Variants in INO80 observed in about 807,000 individuals in gnomAD.
INO80 encodes INO80 complex ATPase subunit, also known as chromatin-remodeling ATPase INO80.
Under a neutral mutation model 203.4 loss-of-function variants are expected in INO80, and 20 were observed. That is an observed-to-expected ratio of 0.10 (90% CI 0.07 to 0.14). The LOEUF (loss-of-function observed/expected upper bound fraction) is 0.14, where lower values mean the gene tolerates loss of function less well. Among genes scored for constraint, INO80 ranks in the 10% least tolerant of loss-of-function variants. The pLI, the probability that INO80 is intolerant of heterozygous loss-of-function variation, is 1.00. For synonymous variants in INO80, 726 were observed against 685.2 expected (o/e 1.06, Z -0.93); for missense variants, 1,419 against 1,914.4 (o/e 0.74, Z 4.83).
chr15:41,019,419 A>G (rs2044257849), intron 26 of INO80: 1 of 152,224 alleles, frequency 6.6e-6, no homozygotes. Context: ...AAAAGAACTC[A>G]GACGCTTCCT....
At chr15:41,109,910 C>T (rs185413079) in intron 1 of INO80, among the ~76,000 whole-genome samples, 141 of 149,462 alleles carry the variant, frequency 9.4e-4, no homozygotes, top group Middle Eastern at 6.9e-3. Flanking sequence ...CCAGCCTGGA[C>T]GACAGAGCGA....
intron 1 of INO80, among the ~76,000 whole-genome samples, chr15:41,109,931 CA>C (rs578187934): frequency 7.8e-4 from 96 of 122,734 alleles, no homozygotes; most frequent in Middle Eastern, 4.2e-3. Flanking sequence ...GACTCCACCT[CA>C]AAAAAAAAAA....
chr15:40,979,976 T>C lies in INO80; in HGVS notation c.*247A>G. ...GAGGTTTAAGACTTGGCTATACAGT[T>C]CACTTGAGATGCAGTGGGGCTGATC... On this transcript the variant is annotated 3_prime_UTR_variant, in exon 36 of 36. Transcript: ENST00000648947. The C allele has an allele frequency of 3.7e-6, 2 of 547,060 alleles. No homozygotes were observed. Among genetic ancestry groups the C allele is most frequent in the Non-Finnish European group, 6.6e-6 (2 of 303,498 alleles). The allele number at this position is 547,060 out of a possible 1,614,324, so 33.9% of individuals were successfully genotyped here.
At chr15:41,036,087 C>G (rs531640128) in intron 24 of INO80, among the ~76,000 whole-genome samples, 21 of 125,400 alleles carry the variant, frequency 1.7e-4, no homozygotes, top group Non-Finnish European at 2.9e-4. Flanking sequence ...ACCCAGGAGG[C>G]GGAAGTTGCA....
chr15:41,095,541 C>T, intron 4 of INO80, 60 bp downstream of exon 4: 2 of 1,167,454 alleles, frequency 1.7e-6, no homozygotes. Context: ...GATAACTTTC[C>T]CATCTATTAG....
At chr15:41,008,202 A>G (rs1328067960) in intron 27 of INO80, among the ~76,000 whole-genome samples, 1 of 133,582 alleles carries the variant, frequency 7.5e-6, no homozygotes, top group East Asian at 2.2e-4. Context: ...TGAATGGATA[A>G]AGAATATGTG....
chr15:41,072,067 T>TA lies in INO80; in HGVS notation c.1396-10dup, dbSNP rs74997531. 0.025 allele frequency: 28,454 copies of TA among 1,147,544 alleles called. 5 individuals are homozygous for TA. The highest frequency in any genetic ancestry group is 0.035 in the African/African-American group (1,397 of 39,452). The allele number at this position is 1,147,544 out of a possible 1,614,324, so 71.1% of individuals were successfully genotyped here. On this transcript the variant is annotated splice_polypyrimidine_tract_variant and intron_variant, in intron 11 of 35. Transcript: ENST00000648947. ...TCATCAAATGACCTTGTCTGGAAAG[T>TA]AAAAAAAAAAAAAATTAGAAAAAAA...
chr15:41,073,397 T>C, intron 11 of INO80, 31 bp downstream of exon 11: 3 of 1,588,510 alleles, frequency 1.9e-6, no homozygotes, highest in Non-Finnish European at 2.6e-6. Flanking sequence ...CCAGGGCCAA[T>C]TACAGTAAAC....
chr15:41,069,897 G>A (rs555846417), intron 13 of INO80, among the ~76,000 whole-genome samples: 1 of 152,174 alleles, frequency 6.6e-6, no homozygotes, highest in Admixed American at 6.5e-5. Context: ...ACCTCTTATA[G>A]GTCTTATCCA....
intron 24 of INO80, among the ~76,000 whole-genome samples, chr15:41,032,068 CACAGG>C (rs201576289): frequency 0.011 from 849 of 79,320 alleles, 36 homozygotes; most frequent in South Asian, 0.028. Flanking sequence ...CACAGGACAG[CACAGG>C]ACAGCACAGC....
At chr15:41,084,849 G>A (rs2045536494) in intron 7 of INO80, among the ~76,000 whole-genome samples, 1 of 152,060 alleles carries the variant, frequency 6.6e-6, no homozygotes, top group African/African-American at 2.4e-5. Context: ...TATCTATCCT[G>A]CCTCAGCCAC....
intron 34 of INO80, among the ~76,000 whole-genome samples, chr15:40,983,495 G>T (rs1278480091): frequency 1.3e-5 from 2 of 152,184 alleles, no homozygotes; most frequent in Non-Finnish European, 2.9e-5. Flanking sequence ...ACACAGCAAA[G>T]TGAGGAAAGG....
chr15:41,047,648 C>T (rs1476215763), intron 22 of INO80, 147 bp from the exon 23 acceptor site: 2 of 597,056 alleles, frequency 3.3e-6, no homozygotes, highest in Admixed American at 3.0e-5. Context: ...AGTTAGGGTG[C>T]CACACCTTTA....
At chr15:41,092,690 G>C (rs910691564) in intron 4 of INO80, among the ~76,000 whole-genome samples, 1 of 152,114 alleles carries the variant, frequency 6.6e-6, no homozygotes, top group African/African-American at 2.4e-5. Flanking sequence ...ACAATATGAA[G>C]AATCTTGAAA....
At chr15:41,060,014 G>T (rs2045073828) in intron 14 of INO80, 88 bp from the exon 15 acceptor site, 12 of 916,128 alleles carry the variant, frequency 1.3e-5, no homozygotes, top group Non-Finnish European at 2.0e-5. Context: ...AATTTAAAAA[G>T]AAACTAATAA....
intron 9 of INO80, 102 bp downstream of exon 9, chr15:41,079,599 T>C: frequency 9.7e-7 from 1 of 1,028,972 alleles, no homozygotes. Flanking sequence ...AACAAAAAAT[T>C]GACAGTGTCA....
chr15:41,065,087 AT>A, intron 14 of INO80, among the ~76,000 whole-genome samples: 1 of 152,176 alleles, frequency 6.6e-6, no homozygotes, highest in East Asian at 1.9e-4. Flanking sequence ...ATGAAAGTTT[AT>A]TTTTTTATCA....
chr15:41,037,571 C>A (rs2044599296), intron 24 of INO80, among the ~76,000 whole-genome samples: 1 of 152,146 alleles, frequency 6.6e-6, no homozygotes. Context: ...CATTTTAAAA[C>A]ATTCTTTGTG....
chr15:41,102,616 G>A (rs1019637531), intron 1 of INO80, among the ~76,000 whole-genome samples: 1 of 151,990 alleles, frequency 6.6e-6, no homozygotes, highest in African/African-American at 2.4e-5. Flanking sequence ...GTTACAGTGA[G>A]CCAGTATCGT....
Sources: gnomAD v4.1 joint callset for allele counts (sites outside exome capture counted in the v4.1 genomes callset) on GRCh38, gnomAD v4.1.1 for gene constraint, MANE v1.5 for transcripts, NCBI Gene and HGNC (gene_info 2026-07-23, HGNC 2026-07-21) for gene names.